Variants in RFC2 observed in about 807,000 individuals in gnomAD.
RFC2 encodes the protein A1 40 kDa subunit.
A neutral mutation model predicts 44.8 loss-of-function variants in RFC2; 34 were observed. The ratio of observed to expected loss-of-function variants is 0.76; its 90% CI spans 0.58 to 1.01. The LOEUF (loss-of-function observed/expected upper bound fraction) is 1.01, where lower values mean the gene tolerates loss of function less well. Among genes scored for constraint, RFC2 ranks in the 50% least tolerant of loss-of-function variants. The pLI is 0.00. For missense variants in RFC2, 400 were observed against 453.6 expected (o/e 0.88, Z 1.07); for synonymous variants, 177 against 168.9 (o/e 1.05, Z -0.37).
chr7:74,249,176 T>A, intron 3 of RFC2, 58 bp from the exon 4 acceptor site: 2 of 1,610,228 alleles, frequency 1.2e-6, no homozygotes, highest in South Asian at 1.1e-5. Context: ...CAGGTAGCTC[T>A]TGAGTTATGT....
Position 74,235,569 on chromosome 7 carries a change from A to T in RFC2, c.917T>A (p.Phe306Tyr). Residue 306 changes from phenylalanine (F) to tyrosine (Y), a missense_variant, in exon 10 of 11, where the codon TTC becomes TAC. Phe to Tyr is a conservative substitution (Grantham distance 22). Transcript: ENST00000055077. ...CAGTTTCAGGTATTCTGCCATTTGG[A>T]AAGTTTTACACACTCGAAAGATGTT... ...IGNIFRVCKTFQMAEYLKLEF... is the reference protein window; with the variant it reads ...IGNIFRVCKTYQMAEYLKLEF... The T allele has an allele frequency of 6.2e-7, 1 of 1,613,168 alleles. No individual in the cohort carries two copies. Among genetic ancestry groups the T allele is most frequent in the Non-Finnish European group, 8.5e-7 (1 of 1,179,126 alleles).
rs537401766 is a variant in RFC2 at position 74,250,491 on chromosome 7, C to T, written c.184-711G>A. On this transcript the variant is annotated intron_variant, in intron 2 of 10. Transcript: ENST00000055077. ...TTCATTCTCCTGTACAAACCTGAGG[C>T]CCCACCCATGTTTCCCACCATGGAC... Among the ~76,000 whole-genome samples the T allele has an allele frequency of 5.9e-5, 9 of 152,174 alleles. 1 individual carries two copies. In the South Asian group the frequency reaches 1.9e-3, roughly 32 times the overall value.
At position 74,231,899 on chromosome 7, in the gene RFC2, T is replaced by C. The variant is rs1134216; in HGVS notation, c.*207A>G. The stretch of plus-strand genomic sequence containing the variant: ...TTCCCCATGTTGGCCAGGCTGGTCT[T>C]GAACTTCTGACCTCAGGTGATCCAC... On this transcript the variant is annotated 3_prime_UTR_variant, in exon 11 of 11. Transcript: ENST00000055077. The C allele has an allele frequency of 9.2e-6, 4 of 433,840 alleles. No individual in the cohort carries two copies. The highest frequency in any genetic ancestry group is 1.6e-5 in the Non-Finnish European group (4 of 243,078). 26.9% of individuals were successfully genotyped at this position (433,840 alleles called of 1,614,324 possible).
chr7:74,246,507 A>G (rs1803618505), intron 5 of RFC2, among the ~76,000 whole-genome samples, 155 bp downstream of exon 5: 1 of 152,220 alleles, frequency 6.6e-6, no homozygotes, highest in South Asian at 2.1e-4. Flanking sequence ...AAGTTACTTA[A>G]TAAAGATAAG....
intron 10 of RFC2, chr7:74,233,726 G>A (rs1160148174): frequency 2.5e-5 from 11 of 432,968 alleles, no homozygotes; most frequent in Admixed American, 1.4e-4. Flanking sequence ...TCAGCCGCCC[G>A]AGTAGCTGGG....
At chr7:74,235,347 A>C (rs1328618046) in intron 10 of RFC2, among the ~76,000 whole-genome samples, 185 bp downstream of exon 10, 1 of 151,862 alleles carries the variant, frequency 6.6e-6, no homozygotes, top group Non-Finnish European at 1.5e-5. Context: ...ATGCCCAGCT[A>C]ATTTTTGTAT....
intron 6 of RFC2, among the ~76,000 whole-genome samples, chr7:74,240,800 C>CT (rs1490174074): frequency 6.6e-6 from 1 of 151,768 alleles, no homozygotes; most frequent in Non-Finnish European, 1.5e-5. Flanking sequence ...CAGTTTCTTT[C>CT]TTTTTTTTTC....
At chr7:74,239,139 G>C (rs1256463195) in intron 7 of RFC2, 151 bp from the exon 8 acceptor site, 6 of 615,714 alleles carry the variant, frequency 9.7e-6, no homozygotes, top group Non-Finnish European at 1.7e-5. Context: ...TGGGATTACA[G>C]GCATGAGCCA....
In RFC2 at chr7:74,238,784, G is replaced by A. The variant is rs999189401; in HGVS notation, c.759+139C>T. ...AAGCAGCAATAGGGAGAGGACAGAC[G>A]GGAGCAGGGTGGGCTCCCTGGCACC... On this transcript the variant is annotated intron_variant, in intron 8 of 10. Coordinates refer to ENST00000055077, the MANE Select transcript of RFC2 (RefSeq NM_181471.3). The surrounding 1 kb of genome is among the most constrained non-coding windows in gnomAD (Gnocchi z 4.0). 1.8e-5 allele frequency: 12 copies of A among 662,188 alleles called. No individual in the cohort carries two copies. Among genetic ancestry groups the A allele is most frequent in the African/African-American group, 8.9e-5 (5 of 56,002 alleles). 41.0% of individuals were successfully genotyped at this position (662,188 alleles called of 1,614,324 possible). A position where few individuals can be genotyped will look rare whatever the true frequency, so the allele number is the denominator to read the frequency against.
chr7:74,246,214 TAAATACAAATAC>T (rs547678440), intron 5 of RFC2, among the ~76,000 whole-genome samples: 118 of 142,952 alleles, frequency 8.3e-4, no homozygotes, highest in Middle Eastern at 3.8e-3. Context: ...AATAAATAAA[TAAATACAAATAC>T]AAATACAAAT....
chr7:74,248,381 G>A (rs1803742413), intron 4 of RFC2, among the ~76,000 whole-genome samples: 1 of 151,762 alleles, frequency 6.6e-6, no homozygotes, highest in Non-Finnish European at 1.5e-5. Flanking sequence ...TATAGTCCTA[G>A]CAACTTAGCA....
intron 9 of RFC2, among the ~76,000 whole-genome samples, chr7:74,235,886 C>T (rs1465731874): frequency 2.6e-5 from 4 of 151,844 alleles, no homozygotes; most frequent in Admixed American, 6.6e-5. Flanking sequence ...CCCAAGTTCC[C>T]GGCCTCAAGC....
intron 4 of RFC2, among the ~76,000 whole-genome samples, chr7:74,247,484 A>G (rs1315371259): frequency 6.6e-6 from 1 of 152,206 alleles, no homozygotes. Flanking sequence ...TACTAAAAAT[A>G]CAAAAATTAC....
In RFC2 at chr7:74,243,217, C is replaced by G; in HGVS notation, c.464G>C (p.Arg155Thr). The change falls in exon 6 of 11, where the codon AGG (arginine) becomes ACG (threonine). Residue 155 changes from arginine (R) to threonine (T), a missense_variant. Coordinates refer to ENST00000055077, the MANE Select transcript of RFC2 (RefSeq NM_181471.3). ...SMTDGAQQAL[R>T]RTMEIYSKTT... ...TTTAGAGTAGATTTCCATGGTTCTC[C>G]TCAAGGCTTGCTGGGCTCCGTCGGT... 6.2e-7 allele frequency: 1 copy of G among 1,613,850 alleles called. No individual in the cohort carries two copies. Among genetic ancestry groups the G allele is most frequent in the Non-Finnish European group, 8.5e-7 (1 of 1,179,804 alleles).
chr7:74,242,059 G>A (rs1338243117), intron 6 of RFC2, among the ~76,000 whole-genome samples: 1 of 152,206 alleles, frequency 6.6e-6, no homozygotes. Flanking sequence ...AAGCAGACAG[G>A]CTGCAGGGAG....
intron 5 of RFC2, among the ~76,000 whole-genome samples, chr7:74,246,123 G>A (rs1554719945): frequency 1.3e-5 from 2 of 151,796 alleles, no homozygotes; most frequent in Admixed American, 1.3e-4. Flanking sequence ...GTGAACCCAG[G>A]AGGCGGAGGT....
rs906207273 is a variant in RFC2 at position 74,243,818 on chromosome 7, A to C, written c.435-572T>G. Among the ~76,000 whole-genome samples the C allele has an allele frequency of 3.3e-5, 5 of 151,154 alleles. 1 individual carries two copies. Among genetic ancestry groups the C allele is most frequent in the Admixed American group, 3.3e-4 (5 of 15,174 alleles). ...TCTACAAAAAATTTTAAAAAATACA[A>C]AAAAGCCTGTTTACCAGATTATCAT... On this transcript the variant is annotated intron_variant, in intron 5 of 10. Coordinates refer to ENST00000055077, the MANE Select transcript of RFC2 (RefSeq NM_181471.3).
At chr7:74,234,027 C>A in intron 10 of RFC2, 1 of 412,850 alleles carries the variant, frequency 2.4e-6, no homozygotes, top group Non-Finnish European at 5.0e-6. Flanking sequence ...TGGCTTTATT[C>A]ACAGTCACCA....
chr7:74,248,850 G>A (rs369610175), intron 4 of RFC2, among the ~76,000 whole-genome samples, 162 bp downstream of exon 4: 43 of 152,168 alleles, frequency 2.8e-4, no homozygotes, highest in African/African-American at 9.4e-4. Context: ...AAAATAAACC[G>A]GCAAGTTGAC....
Sources: gnomAD v4.1 joint callset for allele counts (sites outside exome capture counted in the v4.1 genomes callset) on GRCh38, gnomAD v4.1.1 for gene constraint, Gnocchi (gnomAD v3.1) non-coding constraint, MANE v1.5 for transcripts, NCBI Gene and HGNC (gene_info 2026-07-23, HGNC 2026-07-21) for gene names.